The following BAHD1 variants were observed in gnomAD, a reference collection of about 807,000 sequenced individuals.
The protein encoded by BAHD1 is bromo adjacent homology domain-containing 1 protein.
Under a neutral mutation model 63.1 loss-of-function variants are expected in BAHD1, and 20 were observed. The ratio of observed to expected loss-of-function variants is 0.32; its 90% CI spans 0.22 to 0.46. The LOEUF is 0.46. Ranked by LOEUF, BAHD1 falls within the 20% of genes least tolerant of loss-of-function variation. The pLI is 1.00. For missense variants in BAHD1, 939 were observed against 1,071.8 expected (o/e 0.88, Z 1.73); for synonymous variants, 408 against 426.8 (o/e 0.96, Z 0.54).
rs751215969 is a variant in BAHD1, at chr15:40,459,030, C to A, written c.566C>A (p.Pro189His). 6.3e-7 allele frequency: 1 copy of A among 1,599,460 alleles called. No homozygotes were observed. The highest frequency in any genetic ancestry group is 8.5e-7 in the Non-Finnish European group (1 of 1,171,686). ...CGGGACCTGTCTCCAGAGCCAGCAC[C>A]CGATGAAGGTCCCCGCCGAGATGGA... is the stretch of plus-strand genomic sequence containing the variant. ...GSRDLSPEPA[P>H]DEGPRRDGDP... The change falls in exon 2 of 7, where the codon CCC becomes CAC. Residue 189 changes from proline to histidine, a missense_variant. Transcript: ENST00000416165.
chr15:40,451,145 C>CA (rs397827665), intron 1 of BAHD1, among the ~76,000 whole-genome samples: 10,742 of 30,360 alleles, frequency 0.35, 2,501 homozygotes, highest in East Asian at 0.82. Context: ...AACTCCATCT[C>CA]AAAAAAAAAA....
At position 40,466,285 on chromosome 15, in the gene BAHD1, C is replaced by T; in HGVS notation, c.*155C>T. 1.4e-6 allele frequency: 1 copy of T among 695,168 alleles called. No individual in the cohort carries two copies. 43.1% of individuals were successfully genotyped at this position (695,168 alleles called of 1,614,324 possible). A position where few individuals can be genotyped will look rare whatever the true frequency, so the allele number is the denominator to read the frequency against. Reference sequence around the variant, plus strand: ...GGGAGGGCAGGGGCCCCTGTGGGTTCTGGGCTCCAGGGGAGGGAGCTGGGG... The same window carrying T: ...GGGAGGGCAGGGGCCCCTGTGGGTTTTGGGCTCCAGGGGAGGGAGCTGGGG... On this transcript the variant is annotated 3_prime_UTR_variant, in exon 7 of 7. Coordinates refer to ENST00000416165, the MANE Select transcript of BAHD1 (RefSeq NM_014952.5).
chr15:40,459,912 C>A lies in BAHD1; in HGVS notation c.1432+16C>A. 1 of 1,561,642 alleles carries A rather than the reference C, an allele frequency of 6.4e-7. No individual in the cohort carries two copies. Among genetic ancestry groups the A allele is most frequent in the Non-Finnish European group, 8.7e-7 (1 of 1,153,984 alleles). Reference sequence around the variant, plus strand: ...TTTGCAGCAGGTGAGGCTTCCTGGGCCCAAGATGTACTGGGGAGTCTCGGA... The same window carrying A: ...TTTGCAGCAGGTGAGGCTTCCTGGGACCAAGATGTACTGGGGAGTCTCGGA... On this transcript the variant is annotated intron_variant, in intron 2 of 6. Coordinates refer to ENST00000416165, the MANE Select transcript of BAHD1 (RefSeq NM_014952.5).
At chr15:40,445,798 A>C (rs887163091) in intron 1 of BAHD1, among the ~76,000 whole-genome samples, 2 of 152,240 alleles carry the variant, frequency 1.3e-5, no homozygotes, top group African/African-American at 4.8e-5. Flanking sequence ...TTGCTAGCAC[A>C]GTCTGGCAAG....
chr15:40,461,986 C>A lies in BAHD1; in HGVS notation c.1507C>A (p.Leu503Ile), dbSNP rs988938599. The A allele has an allele frequency of 1.2e-6, 2 of 1,613,660 alleles. No homozygotes were observed. Among genetic ancestry groups the A allele is most frequent in the Non-Finnish European group, 1.7e-6 (2 of 1,179,906 alleles). ...CCACCCAGCCTCACCCGCCCACCCA[C>A]TCCTGGGGTGCCCTGTACCCAGTGT... ...AGHPASPAHP[L>I]LGCPVPSVPP... Residue 503 changes from leucine to isoleucine, a missense_variant, in exon 3 of 7, where the codon CTC (leucine) becomes ATC (isoleucine). Transcript: ENST00000416165.
chr15:40,462,225 C>CCGCCGT lies in BAHD1; in HGVS notation c.1752_1757dup (p.Arg586_Arg587dup), dbSNP rs759073538. ...GTGTCCAGCGCCCACGCCCTCGCCGCCGCCGTCGCCGCCGCACTAATGGCT... is the reference window on the plus strand; with the variant it reads ...GTGTCCAGCGCCCACGCCCTCGCCGCCGCCGTCGCCGTCGCCGCCGCACTAATGGCT... On this transcript the variant is annotated inframe_insertion, in exon 3 of 7. Coordinates refer to ENST00000416165, the MANE Select transcript of BAHD1 (RefSeq NM_014952.5). 2.0e-5 allele frequency: 33 copies of CCGCCGT among 1,611,264 alleles called. No individual in the cohort carries two copies. The highest frequency in any genetic ancestry group is 4.5e-5 in the East Asian group (2 of 44,844).
At chr15:40,443,256 G>A in intron 1 of BAHD1, 2 of 985,352 alleles carry the variant, frequency 2.0e-6, no homozygotes, top group Non-Finnish European at 2.4e-6. Flanking sequence ...TTTATTCATG[G>A]CCACCCCCCA....
Position 40,464,573 on chromosome 15 carries a change from G to A in BAHD1, c.2052+26G>A, listed in dbSNP as rs369642930. 7.7e-5 allele frequency: 122 copies of A among 1,594,156 alleles called. 1 individual carries two copies. In the Middle Eastern group the frequency reaches 2.7e-3, roughly 35 times the overall value. On this transcript the variant is annotated intron_variant, in intron 5 of 6. Transcript: ENST00000416165. The stretch of plus-strand genomic sequence containing the variant: ...GTGAGCTGCCTGGCAGATGGGTCAG[G>A]GAGGGCAGGAGAGACAGAGGGAAAG...
intron 1 of BAHD1, chr15:40,453,925 A>G (rs1336405115): frequency 1.3e-5 from 2 of 152,348 alleles, no homozygotes; most frequent in East Asian, 3.9e-4. Context: ...ATGATCCATG[A>G]TTGCGCCACT....
At chr15:40,440,584 A>G (rs1441434699), upstream of BAHD1, among the ~76,000 whole-genome samples, 2 of 139,332 alleles carry the variant, frequency 1.4e-5, no homozygotes, top group South Asian at 2.4e-4. Flanking sequence ...CGGGGGGGCT[A>G]GCAGCTGGGA....
intron 1 of BAHD1, chr15:40,443,167 C>G: frequency 1.4e-6 from 1 of 717,098 alleles, no homozygotes; most frequent in Non-Finnish European, 1.7e-6. Context: ...TTAGAAGCCG[C>G]TCTCAACTGT....
Position 40,461,975 on chromosome 15 carries a change from C to T in BAHD1, c.1496C>T (p.Pro499Leu), listed in dbSNP as rs751007306. 1.9e-6 allele frequency: 3 copies of T among 1,612,378 alleles called. No homozygotes were observed. The highest frequency in any genetic ancestry group is 2.5e-6 in the Non-Finnish European group (3 of 1,178,858). The change falls in exon 3 of 7, where the codon CCC (proline) becomes CTC (leucine). Residue 499 changes from proline (P) to leucine (L), a missense_variant. Physicochemically the swap from Pro to Leu is moderately conservative, Grantham distance 98. Transcript: ENST00000416165. Reference protein sequence around the residue: ...PLPEAGHPASPAHPLLGCPVP... With the variant: ...PLPEAGHPASLAHPLLGCPVP... Reference sequence around the variant, plus strand: ...CCGGAAGCTGGCCACCCAGCCTCACCCGCCCACCCACTCCTGGGGTGCCCT... The same window carrying T: ...CCGGAAGCTGGCCACCCAGCCTCACTCGCCCACCCACTCCTGGGGTGCCCT...
At chr15:40,464,417 T>C in intron 4 of BAHD1, 54 bp from the exon 5 acceptor site, 19 of 1,487,022 alleles carry the variant, frequency 1.3e-5, no homozygotes, top group Non-Finnish European at 1.8e-5. Flanking sequence ...TCTCTGCCTG[T>C]CTAAGTAACT....
intron 1 of BAHD1, among the ~76,000 whole-genome samples, chr15:40,452,461 A>G (rs1347555541): frequency 1.3e-5 from 2 of 152,152 alleles, no homozygotes; most frequent in African/African-American, 2.4e-5. Flanking sequence ...TTGGCCTTTC[A>G]CTGTAGAGTT....
chr15:40,451,287 T>C (rs1263212249), intron 1 of BAHD1, among the ~76,000 whole-genome samples: 1 of 152,064 alleles, frequency 6.6e-6, no homozygotes, highest in African/African-American at 2.4e-5. Context: ...TGGCATAAAG[T>C]AGGCCCTCAG....
At chr15:40,443,819 A>G (rs865797853) in intron 1 of BAHD1, among the ~76,000 whole-genome samples, 2 of 151,880 alleles carry the variant, frequency 1.3e-5, no homozygotes, top group African/African-American at 2.4e-5. Flanking sequence ...CAGACTTGCA[A>G]TGGCTCCCCG....
At chr15:40,449,138 G>A (rs951275677) in intron 1 of BAHD1, among the ~76,000 whole-genome samples, 1 of 151,878 alleles carries the variant, frequency 6.6e-6, no homozygotes, top group Non-Finnish European at 1.5e-5. Flanking sequence ...CTTTGTACCT[G>A]TTTTTTTTCC....
At chr15:40,450,912 C>T (rs1347514612) in intron 1 of BAHD1, among the ~76,000 whole-genome samples, 3 of 152,062 alleles carry the variant, frequency 2.0e-5, no homozygotes, top group Non-Finnish European at 4.4e-5. Context: ...CCGAGGCAGG[C>T]AGATCCCTTG....
intron 1 of BAHD1, chr15:40,443,201 A>G (rs1893450137): frequency 1.0e-6 from 1 of 958,216 alleles, no homozygotes; most frequent in Admixed American, 6.2e-5. Context: ...CCCACCTGGG[A>G]AAGCTGCTTG....
Sources: allele counts gnomAD v4.1 joint callset (sites outside exome capture counted in the v4.1 genomes callset), GRCh38; gene constraint gnomAD v4.1.1; transcripts MANE v1.5; gene names NCBI Gene and HGNC (gene_info 2026-07-23, HGNC 2026-07-21).